Variants in NSMCE4A observed in about 807,000 individuals in gnomAD.
NSMCE4A encodes non-structural maintenance of chromosomes element 4 homolog A.
A neutral mutation model predicts 47.9 loss-of-function variants in NSMCE4A; 40 were observed. That is an observed-to-expected ratio of 0.83 (90% CI 0.65 to 1.09). The LOEUF (loss-of-function observed/expected upper bound fraction) is 1.09, where lower values mean the gene tolerates loss of function less well. Ranked by LOEUF, NSMCE4A falls within the 50% of genes least tolerant of loss-of-function variation. The pLI, the probability that NSMCE4A is intolerant of heterozygous loss-of-function variation, is 0.00. For synonymous variants in NSMCE4A, 166 were observed against 178.5 expected, an observed-to-expected ratio of 0.93 and a Z score of 0.56; for missense variants, 500 against 507.0, an observed-to-expected ratio of 0.99 and a Z score of 0.13.
intron 3 of NSMCE4A, 44 bp downstream of exon 3, chr10:121,970,895 A>G: frequency 6.6e-7 from 1 of 1,517,956 alleles, no homozygotes; most frequent in East Asian, 2.3e-5. Context: ...ATTATAATAT[A>G]TAACAGAACA....
At position 121,959,313 on chromosome 10, in the gene NSMCE4A, G is replaced by T; in HGVS notation, c.*12+11C>A. ...AATAGAACTGTGTAGCCATCCCATT[G>T]AAAAGGTTACCTTCAGCTAGCATCA... On this transcript the variant is annotated intron_variant, in intron 10 of 10. Coordinates refer to ENST00000369023, the MANE Select transcript of NSMCE4A (RefSeq NM_017615.3). 6.2e-7 allele frequency: 1 copy of T among 1,606,714 alleles called. No individual in the cohort carries two copies. The highest frequency in any genetic ancestry group is 1.7e-5 in the Admixed American group (1 of 60,002).
intron 4 of NSMCE4A, chr10:121,966,618 C>T (rs12246728): frequency 0.13 from 20,268 of 152,150 alleles, 1,574 homozygotes; most frequent in Middle Eastern, 0.18. Flanking sequence ...ATTGGCATCT[C>T]CAAGGCCTTC....
Position 121,974,061 on chromosome 10 carries a change from T to C in NSMCE4A, c.313A>G (p.Asn105Asp). The C allele has an allele frequency of 1.9e-6, 3 of 1,606,042 alleles. No individual in the cohort carries two copies. The highest frequency in any genetic ancestry group is 2.6e-6 in the Non-Finnish European group (3 of 1,175,016). Residue 105 changes from asparagine (N) to aspartate (D), a missense_variant, in exon 2 of 11, where the codon AAT (asparagine) becomes GAT (aspartate). Physicochemically the swap from Asn to Asp is conservative, Grantham distance 23. Coordinates refer to ENST00000369023, the MANE Select transcript of NSMCE4A (RefSeq NM_017615.3). The stretch of plus-strand genomic sequence containing the variant: ...ACCTCTGTTAATTTGTCACCGGCAT[T>C]CAGTATGTCCTCACGGTTTTCTATT... Reference protein sequence around the residue: ...SVQQNREDILNAGDKLTEVLE... With the variant: ...SVQQNREDILDAGDKLTEVLE...
Position 121,960,558 on chromosome 10 carries a change from C to T in NSMCE4A, c.940-152G>A, listed in dbSNP as rs981458806. 2.5e-5 allele frequency: 13 copies of T among 522,256 alleles called. No homozygotes were observed. The highest frequency in any genetic ancestry group is 2.4e-4 in the African/African-American group (12 of 49,354). 32.4% of individuals were successfully genotyped at this position (522,256 alleles called of 1,614,324 possible). A position where few individuals can be genotyped will look rare whatever the true frequency, so the allele number is the denominator to read the frequency against. On this transcript the variant is annotated intron_variant, in intron 7 of 10. Coordinates refer to ENST00000369023, the MANE Select transcript of NSMCE4A (RefSeq NM_017615.3). This position sits in a 1 kb window ranked among gnomAD's most constrained non-coding sequence, Gnocchi z 4.2. ...AGGTGATGATATAGATAAGACTTCC[C>T]TAGTATCTTTTATTTACACAGGGTA...
chr10:121,959,466 T>G lies in NSMCE4A; in HGVS notation c.1083+35A>C, dbSNP rs1200312136. 4 of 1,611,970 alleles carry G rather than the reference T, an allele frequency of 2.5e-6. No homozygotes were observed. The South Asian group carries it at 4.4e-5, about 18-fold the overall frequency. On this transcript the variant is annotated intron_variant, in intron 9 of 10. Transcript: ENST00000369023. Reference sequence around the variant, plus strand: ...GGGCTTACTGCAAGTGAAGGCAGAGTCAGAACTATGCAGGGGCAACAGGCA... The same window carrying G: ...GGGCTTACTGCAAGTGAAGGCAGAGGCAGAACTATGCAGGGGCAACAGGCA...
chr10:121,973,468 C>T (rs1213713248), intron 2 of NSMCE4A, among the ~76,000 whole-genome samples: 1 of 152,100 alleles, frequency 6.6e-6, no homozygotes, highest in East Asian at 1.9e-4. Context: ...GCACCCATGG[C>T]CTAGAGTTCA....
intron 2 of NSMCE4A, 114 bp from the exon 3 acceptor site, chr10:121,971,183 A>AAG: frequency 9.6e-7 from 1 of 1,047,118 alleles, no homozygotes; most frequent in Non-Finnish European, 1.4e-6. Flanking sequence ...AAAAAAAAAA[A>AAG]AATCTCAATA....
intron 5 of NSMCE4A, 143 bp downstream of exon 5, chr10:121,965,143 G>T: frequency 3.3e-6 from 2 of 610,310 alleles, no homozygotes; most frequent in Non-Finnish European, 5.9e-6. Flanking sequence ...ATGCTTAAAG[G>T]CTTAAATAAA....
At chr10:121,964,900 T>C (rs762734953) in intron 5 of NSMCE4A, among the ~76,000 whole-genome samples, 2 of 152,216 alleles carry the variant, frequency 1.3e-5, no homozygotes, top group Middle Eastern at 3.2e-3. Context: ...GAACATTTGT[T>C]GTCACATGTA....
intron 2 of NSMCE4A, among the ~76,000 whole-genome samples, chr10:121,972,953 C>A (rs1429940801): frequency 6.6e-6 from 1 of 152,142 alleles, no homozygotes; most frequent in East Asian, 1.9e-4. Context: ...ATATGAGGAA[C>A]CAGCCGGGGG....
chr10:121,967,025 C>T (rs925999451), intron 4 of NSMCE4A: 1 of 151,922 alleles, frequency 6.6e-6, no homozygotes, highest in East Asian at 1.9e-4. Flanking sequence ...CATAAGATAC[C>T]CTCAGTAGGA....
In NSMCE4A at chr10:121,959,548, G is replaced by A. The variant is rs1417973174; in HGVS notation, c.1036C>T (p.Gln346Ter). 2 of 1,613,978 alleles carry A rather than the reference G, an allele frequency of 1.2e-6. No homozygotes were observed. Among genetic ancestry groups the A allele is most frequent in the African/African-American group, 1.3e-5 (1 of 74,910 alleles). The change falls in exon 9 of 11, where the codon CAA becomes TAA. Residue 346 changes from glutamine to a stop codon, truncating the protein, a stop_gained. Transcript: ENST00000369023. LOFTEE classifies it high-confidence loss of function. ...GCTATAATTCCTTGATTTCTAACTT[G>A]TGTGTTATGTTCAAATCCCTCATTT... ...EENEGFEHNT[Q>*]VRNQGIIALS...
intron 6 of NSMCE4A, 105 bp downstream of exon 6, chr10:121,963,123 AATGCATATGT>A: frequency 2.2e-6 from 1 of 459,554 alleles, no homozygotes. Context: ...ATCCTCATAA[AATGCATATGT>A]ATTTATTCAA....
chr10:121,966,633 C>T (rs1248074379), intron 4 of NSMCE4A: 5 of 152,138 alleles, frequency 3.3e-5, no homozygotes, highest in African/African-American at 4.8e-5. Flanking sequence ...GCCTTCTACC[C>T]GAGCTACTAT....
intron 3 of NSMCE4A, 53 bp downstream of exon 3, chr10:121,970,886 T>C: frequency 6.9e-7 from 1 of 1,459,258 alleles, no homozygotes; most frequent in Admixed American, 2.2e-5. Flanking sequence ...CAGTAAATAA[T>C]TATAATATAT....
Position 121,961,234 on chromosome 10 carries a change from A to C in NSMCE4A, c.939+189T>G, listed in dbSNP as rs192356666. 1.9e-3 allele frequency among the ~76,000 whole-genome samples: 291 copies of C among 152,316 alleles called. 1 individual carries two copies. The highest frequency in any genetic ancestry group is 3.1e-3 in the Non-Finnish European group (214 of 68,020). Reference sequence around the variant, plus strand: ...TTCTCTAAATAATTTCTAAAACATAAAAGCAAGCATATAAAATTTTAGCTA... The same window carrying C: ...TTCTCTAAATAATTTCTAAAACATACAAGCAAGCATATAAAATTTTAGCTA... On this transcript the variant is annotated intron_variant, in intron 7 of 10. Transcript: ENST00000369023.
At chr10:121,972,637 A>G (rs781675580) in intron 2 of NSMCE4A, among the ~76,000 whole-genome samples, 15 of 152,200 alleles carry the variant, frequency 9.9e-5, no homozygotes, top group Non-Finnish European at 2.1e-4. Context: ...CTAGATGCAC[A>G]GTAAATATCA....
intron 2 of NSMCE4A, among the ~76,000 whole-genome samples, chr10:121,971,396 G>A (rs539267694): frequency 6.6e-6 from 1 of 152,156 alleles, no homozygotes; most frequent in Admixed American, 6.5e-5. Context: ...TGTAGTCCCA[G>A]CTACTTGGGA....
At chr10:121,963,497 C>T (rs1952540949) in intron 5 of NSMCE4A, among the ~76,000 whole-genome samples, 169 bp from the exon 6 acceptor site, 1 of 151,398 alleles carries the variant, frequency 6.6e-6, no homozygotes, top group Non-Finnish European at 1.5e-5. Flanking sequence ...GTTGCATGAT[C>T]TCGGCTCACT....
Sources: gnomAD v4.1 joint callset for allele counts (sites outside exome capture counted in the v4.1 genomes callset) on GRCh38, gnomAD v4.1.1 for gene constraint, Gnocchi (gnomAD v3.1) non-coding constraint, MANE v1.5 for transcripts, NCBI Gene and HGNC (gene_info 2026-07-23, HGNC 2026-07-21) for gene names.